The following TBCK variants were observed in gnomAD, a reference collection of about 807,000 sequenced individuals.
TBCK encodes the protein TBC domain-containing protein kinase-like protein.
Under a neutral mutation model 113.4 loss-of-function variants are expected in TBCK, and 99 were observed. The observed-to-expected ratio is 0.87, with a 90% CI of 0.74 to 1.03. The LOEUF (loss-of-function observed/expected upper bound fraction) is 1.03, where lower values mean the gene tolerates loss of function less well. Among genes scored for constraint, TBCK ranks in the 50% least tolerant of loss-of-function variants. The pLI, the probability that TBCK is intolerant of heterozygous loss-of-function variation, is 0.00. For missense variants in TBCK, 1,045 were observed against 1,061.3 expected (o/e 0.98, Z 0.21); for synonymous variants, 369 against 370.8 (o/e 1.00, Z 0.05).
In TBCK at chr4:106,233,676, T is replaced by C. The variant is rs918761387; in HGVS notation, c.1450-26A>G. ...CTGCAAAAAATAAAAGAAGATATAT[T>C]AATTTATCATATCCTTAATACAAAT... On this transcript the variant is annotated intron_variant, in intron 15 of 25. Transcript: ENST00000394708. 2.6e-6 allele frequency: 4 copies of C among 1,520,684 alleles called. No homozygotes were observed. The East Asian group carries it at 9.4e-5, about 36-fold the overall frequency. The allele number at this position is 1,520,684 out of a possible 1,614,324, so 94.2% of individuals were successfully genotyped here.
intron 24 of TBCK, among the ~76,000 whole-genome samples, chr4:106,098,085 G>A (rs574768086): frequency 6.2e-4 from 94 of 152,144 alleles, no homozygotes; most frequent in Non-Finnish European, 1.3e-3. Context: ...TCACACAAAG[G>A]TAGGGTTAGA....
At chr4:106,183,669 C>G (rs1448718420) in intron 22 of TBCK, among the ~76,000 whole-genome samples, 1 of 152,072 alleles carries the variant, frequency 6.6e-6, no homozygotes, top group Non-Finnish European at 1.5e-5. Flanking sequence ...CAGCAGTTCA[C>G]ACAATTTGTA....
At chr4:106,113,882 TAAAC>T (rs1280316222) in intron 24 of TBCK, among the ~76,000 whole-genome samples, 1 of 152,150 alleles carries the variant, frequency 6.6e-6, no homozygotes, top group African/African-American at 2.4e-5. Context: ...CCCTATTATT[TAAAC>T]AAACACCCCC....
At chr4:106,120,415 G>C (rs1431830654) in intron 23 of TBCK, among the ~76,000 whole-genome samples, 3 of 152,176 alleles carry the variant, frequency 2.0e-5, no homozygotes, top group Non-Finnish European at 2.9e-5. Flanking sequence ...GCCCAGGCTT[G>C]CTTAGGTAAA....
Position 106,314,616 on chromosome 4 carries a change from ATTTTT to A in TBCK, c.-30+1310_-30+1314del, listed in dbSNP as rs869091052. On this transcript the variant is annotated intron_variant, in intron 1 of 25. Transcript: ENST00000394708. ...CAATCCTACTACGCTATACTACTTG[ATTTTT>A]TTTTTTTTTTTTTTTTTTTTTGAGA... is the stretch of plus-strand genomic sequence containing the variant. Among the ~76,000 whole-genome samples the A allele has an allele frequency of 1.9e-4, 19 of 102,058 alleles. No homozygotes were observed. In the East Asian group the frequency reaches 4.0e-3, roughly 21 times the overall value. 67.0% of individuals were successfully genotyped at this position (102,058 alleles called of 152,430 possible). A position where few individuals can be genotyped will look rare whatever the true frequency, so the allele number is the denominator to read the frequency against.
At position 106,194,709 on chromosome 4, in the gene TBCK, C is replaced by T. The variant is rs751559713; in HGVS notation, c.1897+9G>A. ...CAATATCAAAAAAACCGGGGGAAGT[C>T]ATACTTACGAGTAAACATGGTAAGA... On this transcript the variant is annotated intron_variant, in intron 21 of 25. Transcript: ENST00000394708. The T allele has an allele frequency of 6.3e-7, 1 of 1,592,340 alleles. No individual in the cohort carries two copies. The highest frequency in any genetic ancestry group is 8.5e-7 in the Non-Finnish European group (1 of 1,172,124).
intron 20 of TBCK, among the ~76,000 whole-genome samples, chr4:106,211,998 A>T (rs1472231314): frequency 6.6e-6 from 1 of 152,116 alleles, no homozygotes; most frequent in Non-Finnish European, 1.5e-5. Flanking sequence ...CCTTCAGCTT[A>T]ACTTTTGAAT....
chr4:106,244,962 A>T (rs1440042976), intron 10 of TBCK, among the ~76,000 whole-genome samples, 198 bp from the exon 11 acceptor site: 1 of 152,142 alleles, frequency 6.6e-6, no homozygotes, highest in Admixed American at 6.5e-5. Context: ...CTGAAAAATC[A>T]ACAATTCTTG....
At chr4:106,257,913 C>A (rs1001267863) in intron 5 of TBCK, among the ~76,000 whole-genome samples, 2 of 151,864 alleles carry the variant, frequency 1.3e-5, no homozygotes, top group Non-Finnish European at 2.9e-5. Flanking sequence ...TTATCATCAC[C>A]ACAATACATC....
intron 21 of TBCK, among the ~76,000 whole-genome samples, chr4:106,194,451 A>T (rs537120227): frequency 6.6e-6 from 1 of 152,216 alleles, no homozygotes; most frequent in East Asian, 1.9e-4. Flanking sequence ...TTATGTAAAT[A>T]TTATAGTTAA....
intron 14 of TBCK, 113 bp downstream of exon 14, chr4:106,236,277 A>T: frequency 1.4e-6 from 1 of 695,650 alleles, no homozygotes; most frequent in Non-Finnish European, 2.0e-6. Context: ...TGAACAAGAT[A>T]GGTCATAAAA....
chr4:106,273,024 C>A (rs1279583626), intron 3 of TBCK, among the ~76,000 whole-genome samples: 1 of 152,128 alleles, frequency 6.6e-6, no homozygotes, highest in Non-Finnish European at 1.5e-5. Context: ...GATAACCATA[C>A]CACAACCACT....
At chr4:106,181,973 C>T (rs1273523393) in intron 22 of TBCK, among the ~76,000 whole-genome samples, 1 of 152,142 alleles carries the variant, frequency 6.6e-6, no homozygotes, top group Non-Finnish European at 1.5e-5. Flanking sequence ...AGGCTATTTT[C>T]ACAATATTGA....
chr4:106,265,532 A>AAG lies in TBCK; in HGVS notation c.267-3322_267-3321dup, dbSNP rs1054631644. ...GGAGAGAGAGAGATCCAGAGATCCA[A>AAG]AGAGAGAGAGAGAGAGCAAGAGGGA... On this transcript the variant is annotated intron_variant, in intron 3 of 25. Transcript: ENST00000394708. Among the ~76,000 whole-genome samples the AAG allele has an allele frequency of 1.8e-4, 23 of 128,696 alleles. 1 individual carries two copies. Among genetic ancestry groups the AAG allele is most frequent in the Middle Eastern group, 5.0e-3 (1 of 200 alleles). The allele number at this position is 128,696 out of a possible 152,430, so 84.4% of individuals were successfully genotyped here.
At chr4:106,306,375 A>G (rs1767527794) in intron 2 of TBCK, among the ~76,000 whole-genome samples, 1 of 150,624 alleles carries the variant, frequency 6.6e-6, no homozygotes, top group African/African-American at 2.4e-5. Context: ...ATGGGCCACC[A>G]TGCTTGGCCT....
chr4:106,208,823 G>C (rs1755820350), intron 20 of TBCK, among the ~76,000 whole-genome samples: 1 of 152,196 alleles, frequency 6.6e-6, no homozygotes, highest in Non-Finnish European at 1.5e-5. Flanking sequence ...AGAACTGTTA[G>C]CATGCTGTAA....
intron 23 of TBCK, among the ~76,000 whole-genome samples, chr4:106,125,740 G>T (rs1745126963): frequency 6.6e-6 from 1 of 152,072 alleles, no homozygotes; most frequent in Non-Finnish European, 1.5e-5. Flanking sequence ...AGAGTGGTGG[G>T]GTGGAGGTGG....
chr4:106,182,677 C>G (rs750320776), intron 22 of TBCK: 8 of 151,912 alleles, frequency 5.3e-5, no homozygotes, highest in Admixed American at 1.3e-4. Flanking sequence ...TGACATCGAA[C>G]TATCCCAACA....
intron 21 of TBCK, among the ~76,000 whole-genome samples, chr4:106,194,136 T>C (rs1753954272): frequency 6.6e-6 from 1 of 152,042 alleles, no homozygotes; most frequent in African/African-American, 2.4e-5. Context: ...TTTTAATAAA[T>C]TCCCACCAAA....
Sources: gnomAD v4.1 joint callset for allele counts (sites outside exome capture counted in the v4.1 genomes callset) on GRCh38, gnomAD v4.1.1 for gene constraint, MANE v1.5 for transcripts, NCBI Gene and HGNC (gene_info 2026-07-23, HGNC 2026-07-21) for gene names.